POPDC3: variants seen among roughly 807,000 people sequenced by gnomAD.
POPDC3 encodes popeye domain-containing protein 3.
POPDC3 carries 20 observed loss-of-function variants against 28.2 expected under a neutral mutation model. That is an observed-to-expected ratio of 0.71 (90% CI 0.50 to 1.03). The LOEUF is 1.03. POPDC3 is among the 50% of genes least tolerant of loss of function. POPDC3 has a pLI of 0.00. For missense variants in POPDC3, 316 were observed against 345.9 expected, an observed-to-expected ratio of 0.91 and a Z score of 0.69; for synonymous variants, 118 against 124.1, an observed-to-expected ratio of 0.95 and a Z score of 0.33.
chr6:105,176,065 A>G (rs1774677176), intron 1 of POPDC3, among the ~76,000 whole-genome samples: 1 of 152,222 alleles, frequency 6.6e-6, no homozygotes, highest in African/African-American at 2.4e-5. Context: ...ACTGATGTCA[A>G]GTTCAGCAAT....
At chr6:105,179,246 G>A in intron 1 of POPDC3, 1 of 985,332 alleles carries the variant, frequency 1.0e-6, no homozygotes, top group South Asian at 4.7e-5. Context: ...ACAGGTCCGC[G>A]CGACCTTTGA....
intron 2 of POPDC3, among the ~76,000 whole-genome samples, chr6:105,160,792 A>T (rs1415970630): frequency 6.7e-6 from 1 of 148,972 alleles, no homozygotes; most frequent in African/African-American, 2.5e-5. Flanking sequence ...TACAGATGGG[A>T]GTTTCACAGT....
In POPDC3 at chr6:105,161,975, C is replaced by T. The variant is rs569144484; in HGVS notation, c.-66G>A. 77 of 1,524,206 alleles carry T rather than the reference C, an allele frequency of 5.1e-5. No individual in the cohort carries two copies. The East Asian group carries it at 1.7e-3, about 34-fold the overall frequency. 94.4% of individuals were successfully genotyped at this position (1,524,206 alleles called of 1,614,324 possible). ...ATGACACTGAAACAGGTAACTAAGT[C>T]CTTTGGTTCTCCATCATGAGAGTTT... On this transcript the variant is annotated 5_prime_UTR_variant, in exon 2 of 4. Transcript: ENST00000254765.
At position 105,159,791 on chromosome 6, in the gene POPDC3, G is replaced by T; in HGVS notation, c.514C>A (p.Leu172Met). The change falls in exon 3 of 4, where the codon CTG (leucine) becomes ATG (methionine). Residue 172 changes from leucine to methionine, a missense_variant. Transcript: ENST00000254765. ...RIRVTVDGEF[L>M]HYIFPLQFLD... ...AACTGAAGGGGGAAAATGTAATGCAGAAATTCGCCATCAACTGTCACTCTG... is the reference window on the plus strand; with the variant it reads ...AACTGAAGGGGGAAAATGTAATGCATAAATTCGCCATCAACTGTCACTCTG... 6.2e-7 allele frequency: 1 copy of T among 1,609,960 alleles called. No homozygotes were observed. Among genetic ancestry groups the T allele is most frequent in the Non-Finnish European group, 8.5e-7 (1 of 1,177,938 alleles).
intron 1 of POPDC3, among the ~76,000 whole-genome samples, chr6:105,171,996 T>C (rs1316678580): frequency 1.3e-5 from 2 of 150,928 alleles, no homozygotes; most frequent in Non-Finnish European, 3.0e-5. Context: ...TAAAACTCAT[T>C]TAAAGTCAGT....
At chr6:105,174,174 TG>T (rs1379913220) in intron 1 of POPDC3, among the ~76,000 whole-genome samples, 1 of 152,192 alleles carries the variant, frequency 6.6e-6, no homozygotes, top group East Asian at 1.9e-4. Context: ...CGAAAGTAAC[TG>T]GGATTAAAGG....
chr6:105,172,813 A>T (rs1180941950), intron 1 of POPDC3, among the ~76,000 whole-genome samples: 1 of 145,914 alleles, frequency 6.9e-6, no homozygotes, highest in African/African-American at 2.6e-5. Context: ...GCATGTTCTC[A>T]CTCATAGGTG....
At chr6:105,179,325 T>C (rs1222535505) in intron 1 of POPDC3, 1 of 905,548 alleles carries the variant, frequency 1.1e-6, no homozygotes, top group African/African-American at 1.8e-5. Flanking sequence ...GTCAGGCCCT[T>C]TGCTTACAGA....
chr6:105,178,563 GACAC>G (rs56060844), intron 1 of POPDC3: 2,083 of 153,020 alleles, frequency 0.014, 28 homozygotes, highest in African/African-American at 0.034. Flanking sequence ...AACTCCTGAA[GACAC>G]ACACACACAC....
At chr6:105,168,826 G>T (rs1774514840) in intron 1 of POPDC3, 1 of 152,240 alleles carries the variant, frequency 6.6e-6, no homozygotes, top group East Asian at 1.9e-4. Context: ...TATGTGAACT[G>T]CCTGTGGGGT....
At chr6:105,177,929 G>A (rs556294225) in intron 1 of POPDC3, among the ~76,000 whole-genome samples, 4 of 152,048 alleles carry the variant, frequency 2.6e-5, no homozygotes, top group Non-Finnish European at 5.9e-5. Flanking sequence ...AGGAACTTTC[G>A]GTTATTTATT....
At chr6:105,159,945 G>A in intron 2 of POPDC3, 126 bp from the exon 3 acceptor site, 1 of 586,030 alleles carries the variant, frequency 1.7e-6, no homozygotes, top group Non-Finnish European at 3.1e-6. Context: ...GATTTTGAAA[G>A]GCAAAATATT....
chr6:105,173,359 C>A (rs1421520013), intron 1 of POPDC3, among the ~76,000 whole-genome samples: 1 of 152,164 alleles, frequency 6.6e-6, no homozygotes, highest in Non-Finnish European at 1.5e-5. Context: ...TACTAGCTCT[C>A]CTTCATGCAT....
At chr6:105,178,697 AT>A in intron 1 of POPDC3, 1 of 982,812 alleles carries the variant, frequency 1.0e-6, no homozygotes, top group Non-Finnish European at 1.2e-6. Context: ...CTGAGATCCA[AT>A]TTTTTGTTTA....
chr6:105,165,118 T>C (rs912021221), intron 1 of POPDC3, among the ~76,000 whole-genome samples: 1 of 152,212 alleles, frequency 6.6e-6, no homozygotes, highest in Non-Finnish European at 1.5e-5. Context: ...GGTGGTGGCA[T>C]GGAGCTCCAA....
intron 1 of POPDC3, chr6:105,179,258 G>A (rs528746802): frequency 3.0e-6 from 3 of 985,372 alleles, no homozygotes; most frequent in African/African-American, 3.5e-5. Context: ...GACCTTTGAT[G>A]AGGCAGCTTT....
intron 1 of POPDC3, among the ~76,000 whole-genome samples, chr6:105,172,725 T>G (rs1774604237): frequency 6.6e-6 from 1 of 150,574 alleles, no homozygotes; most frequent in Non-Finnish European, 1.5e-5. Flanking sequence ...GATGAGTTCA[T>G]GTCCTTTGTA....
intron 1 of POPDC3, among the ~76,000 whole-genome samples, chr6:105,166,263 G>C (rs1166913590): frequency 6.6e-6 from 1 of 152,156 alleles, no homozygotes; most frequent in African/African-American, 2.4e-5. Context: ...TCAAAATATA[G>C]AGCCGAGTGG....
At chr6:105,170,429 G>C (rs1455160141) in intron 1 of POPDC3, among the ~76,000 whole-genome samples, 1 of 152,168 alleles carries the variant, frequency 6.6e-6, no homozygotes, top group African/African-American at 2.4e-5. Flanking sequence ...AAGTTTTCAA[G>C]TTACTTCCTG....
Sources: gnomAD v4.1 joint callset for allele counts (sites outside exome capture counted in the v4.1 genomes callset) on GRCh38, gnomAD v4.1.1 for gene constraint, MANE v1.5 for transcripts, NCBI Gene and HGNC (gene_info 2026-07-23, HGNC 2026-07-21) for gene names.